The following SMYD3 variants were observed in gnomAD, a reference collection of about 807,000 sequenced individuals.
SMYD3 encodes SET and MYND domain containing 3.
In SMYD3, 36 loss-of-function variants were observed where a neutral mutation model predicts 57.7. The ratio of observed to expected loss-of-function variants is 0.62; its 90% confidence interval spans 0.48 to 0.82. The LOEUF is 0.82. Among genes scored for constraint, SMYD3 ranks in the 40% least tolerant of loss-of-function variants. SMYD3 has a pLI of 0.00. For synonymous variants in SMYD3, 211 were observed against 195.0 expected (o/e 1.08, Z -0.68); for missense variants, 515 against 538.8 (o/e 0.96, Z 0.44).
intron 10 of SMYD3, among the ~76,000 whole-genome samples, chr1:245,804,285 G>A (rs2048029418): frequency 6.6e-6 from 1 of 152,132 alleles, no homozygotes; most frequent in Non-Finnish European, 1.5e-5. Context: ...TGGTCTGGAT[G>A]TTCTCCCAAA....
chr1:245,933,006 T>C (rs1471487861), intron 5 of SMYD3, among the ~76,000 whole-genome samples: 2 of 152,206 alleles, frequency 1.3e-5, no homozygotes, highest in East Asian at 3.8e-4. Flanking sequence ...GGAAATATTT[T>C]TGACATACAC....
intron 1 of SMYD3, among the ~76,000 whole-genome samples, chr1:246,381,156 CT>C (rs1347181355): frequency 6.6e-6 from 1 of 152,076 alleles, no homozygotes; most frequent in Non-Finnish European, 1.5e-5. Flanking sequence ...CTCTCTAGGC[CT>C]CTAGTCTTAA....
intron 1 of SMYD3, among the ~76,000 whole-genome samples, chr1:246,429,102 T>C (rs561975632): frequency 2.0e-5 from 3 of 147,822 alleles, no homozygotes; most frequent in Admixed American, 2.0e-4. Flanking sequence ...GGGAATAAGG[T>C]TGCCCAGAGT....
intron 5 of SMYD3, among the ~76,000 whole-genome samples, chr1:246,128,652 A>T (rs2061542437): frequency 6.6e-6 from 1 of 152,236 alleles, no homozygotes; most frequent in African/African-American, 2.4e-5. Flanking sequence ...CTGGCCCTCA[A>T]GCCCAGGCAG....
chr1:246,193,552 G>C (rs2062775083), intron 5 of SMYD3: 2 of 152,380 alleles, frequency 1.3e-5, no homozygotes, highest in Non-Finnish European at 2.9e-5. Flanking sequence ...GCCATTCACT[G>C]ACCCACCCCC....
At chr1:246,193,562 C>T (rs780399802) in intron 5 of SMYD3, 1 of 152,444 alleles carries the variant, frequency 6.6e-6, no homozygotes, top group Non-Finnish European at 1.5e-5. Flanking sequence ...GACCCACCCC[C>T]ATCACACTGG....
intron 8 of SMYD3, among the ~76,000 whole-genome samples, chr1:245,866,370 T>G (rs2051845378): frequency 6.6e-6 from 1 of 152,114 alleles, no homozygotes. Flanking sequence ...GCACTTTTTT[T>G]TTTTAATTCT....
At chr1:246,060,427 TTA>T (rs1246194899) in intron 5 of SMYD3, among the ~76,000 whole-genome samples, 2 of 152,172 alleles carry the variant, frequency 1.3e-5, no homozygotes, top group Non-Finnish European at 2.9e-5. Context: ...AGGTTTTACC[TTA>T]TCCTAATCAT....
chr1:246,404,022 A>G (rs1017261909), intron 1 of SMYD3, among the ~76,000 whole-genome samples: 1 of 152,216 alleles, frequency 6.6e-6, no homozygotes, highest in South Asian at 2.1e-4. Context: ...CACACCCAAC[A>G]CAACCAACCT....
intron 10 of SMYD3, among the ~76,000 whole-genome samples, chr1:245,812,312 G>T (rs1032655230): frequency 6.6e-6 from 1 of 152,142 alleles, no homozygotes; most frequent in African/African-American, 2.4e-5. Context: ...GCTCAGGAGG[G>T]CCTGAATTAT....
Position 246,348,077 on chromosome 1 carries a change from T to TATATATATATATACACACATACATAC in SMYD3, c.228+6953_228+6954insGTATGTATGTGTGTATATATATATAT. ...AGAAAACGTTATATATATATATATATACACACACACCATCAAATACTATGA... is the reference window on the plus strand; with the variant it reads ...AGAAAACGTTATATATATATATATATATATATATATATACACACATACATACACACACACACCATCAAATACTATGA... On this transcript the variant is annotated intron_variant, in intron 2 of 11. Transcript: ENST00000490107. 1.0e-4 allele frequency among the ~76,000 whole-genome samples: 9 copies of TATATATATATATACACACATACATAC among 86,460 alleles called. 1 individual carries two copies. Among genetic ancestry groups the TATATATATATATACACACATACATAC allele is most frequent in the East Asian group, 4.8e-4 (2 of 4,180 alleles). 56.7% of individuals were successfully genotyped at this position (86,460 alleles called of 152,430 possible). A position where few individuals can be genotyped will look rare whatever the true frequency, so the allele number is the denominator to read the frequency against.
chr1:245,939,008 T>C (rs2057104054), intron 5 of SMYD3, among the ~76,000 whole-genome samples: 1 of 151,860 alleles, frequency 6.6e-6, no homozygotes, highest in African/African-American at 2.4e-5. Flanking sequence ...TAGCCGGGCG[T>C]GGTGGCCTGA....
intron 7 of SMYD3, among the ~76,000 whole-genome samples, chr1:245,925,945 A>C (rs2056342451): frequency 6.6e-6 from 1 of 152,242 alleles, no homozygotes; most frequent in Non-Finnish European, 1.5e-5. Context: ...CTGTTTTAAC[A>C]GAATACCACA....
chr1:246,456,840 G>C (rs2067706523), intron 1 of SMYD3, among the ~76,000 whole-genome samples: 1 of 152,164 alleles, frequency 6.6e-6, no homozygotes, highest in East Asian at 1.9e-4. Context: ...GCAGACACAA[G>C]ATCAAAGTTA....
At chr1:246,426,091 G>C (rs1165715029) in intron 1 of SMYD3, 1 of 152,124 alleles carries the variant, frequency 6.6e-6, no homozygotes, top group Non-Finnish European at 1.5e-5. Context: ...AGTCAATTGA[G>C]ATAACTCAGT....
intron 1 of SMYD3, among the ~76,000 whole-genome samples, chr1:246,398,709 G>T (rs1050402955): frequency 6.6e-5 from 10 of 152,190 alleles, no homozygotes; most frequent in Non-Finnish European, 1.5e-4. Context: ...AGTCAGATCA[G>T]CAGGAGCCAA....
At chr1:246,375,573 T>C (rs2066262711) in intron 1 of SMYD3, among the ~76,000 whole-genome samples, 1 of 152,226 alleles carries the variant, frequency 6.6e-6, no homozygotes, top group African/African-American at 2.4e-5. Flanking sequence ...ACAGCGAAGA[T>C]GTTCTACATT....
At position 246,119,185 on chromosome 1, in the gene SMYD3, T is replaced by C. The variant is rs148570132; in HGVS notation, c.532-189248A>G. On this transcript the variant is annotated intron_variant, in intron 5 of 11. Transcript: ENST00000490107. ...ACAAACGCATGCCAACATGCTTGGCTAAATTTTTTTTTTATTTTTGGAAGT... is the reference window on the plus strand; with the variant it reads ...ACAAACGCATGCCAACATGCTTGGCCAAATTTTTTTTTTATTTTTGGAAGT... 5.3e-3 allele frequency among the ~76,000 whole-genome samples: 808 copies of C among 152,096 alleles called. 8 individuals carry two copies. Among genetic ancestry groups the C allele is most frequent in the Middle Eastern group, 0.01 (3 of 294 alleles).
chr1:245,843,804 T>G (rs1441549772), intron 10 of SMYD3, among the ~76,000 whole-genome samples: 2 of 152,194 alleles, frequency 1.3e-5, no homozygotes, highest in Admixed American at 1.3e-4. Context: ...TAGTTTGTTT[T>G]GTACTTTATT....
Sources: gnomAD v4.1 joint callset for allele counts (sites outside exome capture counted in the v4.1 genomes callset) on GRCh38, gnomAD v4.1.1 for gene constraint, MANE v1.5 for transcripts, NCBI Gene and HGNC (gene_info 2026-07-23, HGNC 2026-07-21) for gene names.